CRADD: variants seen among roughly 807,000 people sequenced by gnomAD.
CRADD encodes the protein CARD and death domain containing adaptor protein, also known as death domain-containing protein CRADD.
Under a neutral mutation model 15.5 loss-of-function variants are expected in CRADD, and 9 were observed. That is an observed-to-expected ratio of 0.58 (90% CI 0.35 to 1.01). The LOEUF is 1.01. Among genes scored for constraint, CRADD ranks in the 50% least tolerant of loss-of-function variants. The probability of loss-of-function intolerance (pLI) is 0.02; values close to 1 mark genes in which losing one functional copy is unlikely to be tolerated. For missense variants in CRADD, 227 were observed against 250.3 expected, an observed-to-expected ratio of 0.91 and a Z score of 0.63; for synonymous variants, 118 against 107.6, an observed-to-expected ratio of 1.10 and a Z score of -0.60.
chr12:93,682,075 AT>A (rs1449040652), intron 2 of CRADD, among the ~76,000 whole-genome samples: 1 of 152,152 alleles, frequency 6.6e-6, no homozygotes, highest in Non-Finnish European at 1.5e-5. Context: ...TTAAATTGGG[AT>A]TTACTGAATT....
intron 2 of CRADD, among the ~76,000 whole-genome samples, chr12:93,865,320 G>T (rs1392865219): frequency 6.6e-6 from 1 of 152,202 alleles, no homozygotes; most frequent in Non-Finnish European, 1.5e-5. Context: ...TGGCAGACTT[G>T]TTCCAAGACC....
chr12:93,849,819 T>C (rs1958187905), intron 2 of CRADD, 151 bp from the exon 3 acceptor site: 1 of 643,282 alleles, frequency 1.6e-6, no homozygotes. Flanking sequence ...ATCATGGCGT[T>C]GTACAGAGCA....
chr12:93,754,635 GCAGTTCC>G (rs1956867370), intron 2 of CRADD, among the ~76,000 whole-genome samples: 1 of 152,180 alleles, frequency 6.6e-6, no homozygotes, highest in Non-Finnish European at 1.5e-5. Flanking sequence ...CACCTTTGCT[GCAGTTCC>G]CAACAAGTTC....
At chr12:93,771,462 A>G (rs1375868979) in intron 2 of CRADD, among the ~76,000 whole-genome samples, 8 of 152,084 alleles carry the variant, frequency 5.3e-5, no homozygotes, top group Non-Finnish European at 1.0e-4. Context: ...ATATTTTCCT[A>G]TTACTTAATA....
intron 2 of CRADD, among the ~76,000 whole-genome samples, chr12:93,883,896 A>G (rs149308909): frequency 6.6e-6 from 1 of 152,284 alleles, no homozygotes; most frequent in Non-Finnish European, 1.5e-5. Flanking sequence ...TATAAAGACA[A>G]TGAAGGGTAC....
intron 2 of CRADD, among the ~76,000 whole-genome samples, chr12:93,843,495 T>C (rs559180242): frequency 1.2e-4 from 18 of 149,316 alleles, no homozygotes; most frequent in Non-Finnish European, 2.4e-4. Flanking sequence ...TTCTCCTGCC[T>C]TAGCCTCCCA....
downstream of CRADD, among the ~76,000 whole-genome samples, chr12:93,852,788 C>G (rs896081868): frequency 1.3e-5 from 2 of 151,918 alleles, no homozygotes; most frequent in African/African-American, 4.8e-5. Context: ...CCGGCACTGA[C>G]AGAAAGTATA....
chr12:93,874,669 A>G (rs1420937826), intron 2 of CRADD, among the ~76,000 whole-genome samples: 3 of 151,926 alleles, frequency 2.0e-5, no homozygotes, highest in Non-Finnish European at 2.9e-5. Context: ...TAATTTCTTC[A>G]TTGACCCACT....
chr12:93,711,223 G>A (rs1956067613), intron 2 of CRADD, among the ~76,000 whole-genome samples: 1 of 151,926 alleles, frequency 6.6e-6, no homozygotes, highest in Non-Finnish European at 1.5e-5. Flanking sequence ...AGCAGGACAA[G>A]TAAACTCAGG....
In CRADD at chr12:93,792,275, G is replaced by A. The variant is rs142700847; in HGVS notation, c.299-57695G>A. Among the ~76,000 whole-genome samples the A allele has an allele frequency of 1.2e-4, 18 of 152,246 alleles. No individual in the cohort carries two copies. In the East Asian group the frequency reaches 2.7e-3, roughly 23 times the overall value. On this transcript the variant is annotated intron_variant, in intron 2 of 2. Coordinates refer to ENST00000332896, the MANE Select transcript of CRADD (RefSeq NM_003805.5). Reference sequence around the variant, plus strand: ...GGCTTAGAAAGCAAGGAGTTAGAAGGTAGAAGAGGCTTACAGAAAGGAGGA... The same window carrying A: ...GGCTTAGAAAGCAAGGAGTTAGAAGATAGAAGAGGCTTACAGAAAGGAGGA...
chr12:93,711,902 T>G (rs1270658359), intron 2 of CRADD, among the ~76,000 whole-genome samples: 1 of 152,048 alleles, frequency 6.6e-6, no homozygotes, highest in Non-Finnish European at 1.5e-5. Flanking sequence ...ATTACAGGCG[T>G]GAGCCACCAC....
intron 2 of CRADD, among the ~76,000 whole-genome samples, chr12:93,861,879 A>G (rs1565942761): frequency 6.6e-6 from 1 of 152,118 alleles, no homozygotes; most frequent in African/African-American, 2.4e-5. Context: ...TCCCGACCCA[A>G]ATCTCACCTT....
chr12:93,849,978 TTGAC>T lies in CRADD; in HGVS notation c.310_313del (p.Thr104GlyfsTer108), dbSNP rs781157705. Reference sequence around the variant, plus strand: ...GTCTTTTTCCTCCTCAGGTGACAGATTGACTGGGATCCCCTCGCACATCCTCAAC... The same window carrying T: ...GTCTTTTTCCTCCTCAGGTGACAGATTGGGATCCCCTCGCACATCCTCAAC... On this transcript the variant is annotated frameshift_variant, in exon 3 of 3. Coordinates refer to ENST00000332896, the MANE Select transcript of CRADD (RefSeq NM_003805.5). LOFTEE classifies it high-confidence loss of function. 1.9e-6 allele frequency: 3 copies of T among 1,597,504 alleles called. No homozygotes were observed. Among genetic ancestry groups the T allele is most frequent in the South Asian group, 2.2e-5 (2 of 90,710 alleles).
chr12:93,829,070 G>C (rs530414411), intron 2 of CRADD, among the ~76,000 whole-genome samples: 1 of 151,086 alleles, frequency 6.6e-6, no homozygotes, highest in South Asian at 2.1e-4. Context: ...GATGCCAAAG[G>C]ATACAAGGAA....
intron 2 of CRADD, among the ~76,000 whole-genome samples, chr12:93,891,819 C>T (rs966508220): frequency 3.3e-5 from 5 of 152,188 alleles, no homozygotes; most frequent in African/African-American, 1.2e-4. Flanking sequence ...CACTTCTCAC[C>T]ACACTGCCTG....
rs1958203713 is a variant in CRADD at position 93,850,357 on chromosome 12, TGTAG to T, written c.*89_*92del. On this transcript the variant is annotated 3_prime_UTR_variant, in exon 3 of 3. Transcript: ENST00000332896. This position sits in a 1 kb window ranked among gnomAD's most constrained non-coding sequence, Gnocchi z 4.0. ...TTCACTCAGAGCAGGTGGTTTTTTG[TGTAG>T]GTTTGTTTTTTATTTTTGATGATCT... The T allele has an allele frequency of 6.8e-7, 1 of 1,474,312 alleles. No individual in the cohort carries two copies. Among genetic ancestry groups the T allele is most frequent in the Admixed American group, 2.7e-5 (1 of 37,406 alleles). 91.3% of individuals were successfully genotyped at this position (1,474,312 alleles called of 1,614,324 possible).
intron 2 of CRADD, among the ~76,000 whole-genome samples, chr12:93,681,937 A>G (rs79528197): frequency 0.18 from 27,753 of 152,076 alleles, 3,986 homozygotes; most frequent in African/African-American, 0.37. Flanking sequence ...TGGGAAGGAA[A>G]GGGTGGAAGT....
chr12:93,765,258 A>C (rs1957015214), intron 2 of CRADD, among the ~76,000 whole-genome samples: 1 of 152,094 alleles, frequency 6.6e-6, no homozygotes, highest in East Asian at 1.9e-4. Flanking sequence ...ATTCAGAGAG[A>C]GGTCAAGGGG....
At chr12:93,818,926 C>A (rs1371292177) in intron 2 of CRADD, among the ~76,000 whole-genome samples, 3 of 152,240 alleles carry the variant, frequency 2.0e-5, no homozygotes, top group Non-Finnish European at 4.4e-5. Flanking sequence ...AAGGTGCCTT[C>A]CAGCTTCAAT....
Sources: gnomAD v4.1 joint callset for allele counts (sites outside exome capture counted in the v4.1 genomes callset) on GRCh38, gnomAD v4.1.1 for gene constraint, Gnocchi (gnomAD v3.1) non-coding constraint, MANE v1.5 for transcripts, NCBI Gene and HGNC (gene_info 2026-07-23, HGNC 2026-07-21) for gene names.